The following EPX variants were observed in gnomAD, a reference collection of about 807,000 sequenced individuals.
EPX encodes eosinophil peroxidase.
A neutral mutation model predicts 73.0 loss-of-function variants in EPX; 60 were observed. The observed-to-expected ratio is 0.82, with a 90% CI of 0.67 to 1.02. The LOEUF is 1.02. EPX is among the 50% of genes least tolerant of loss of function. The pLI is 0.00. For synonymous variants in EPX, 347 were observed against 389.2 expected (o/e 0.89, Z 1.28); for missense variants, 950 against 973.9 (o/e 0.98, Z 0.33).
intron 10 of EPX, among the ~76,000 whole-genome samples, chr17:58,201,330 A>T (rs909104744): frequency 6.6e-6 from 1 of 152,178 alleles, no homozygotes; most frequent in Admixed American, 6.5e-5. Context: ...GCAGCTAAGG[A>T]GCTGTGGGCA....
chr17:58,192,850 C>G lies in EPX; in HGVS notation c.4C>G (p.His2Asp), dbSNP rs779210475. The G allele has an allele frequency of 1.2e-6, 2 of 1,613,852 alleles. No individual in the cohort carries two copies. The highest frequency in any genetic ancestry group is 2.2e-5 in the South Asian group (2 of 91,034). MHLLPALAGVLA... is the reference protein window; with the variant it reads MDLLPALAGVLA... ...CTGGTGAAGCCTCGCTGCAGAGATG[C>G]ATCTGCTCCCAGCCCTGGCAGGGGT... is the stretch of plus-strand genomic sequence containing the variant. The change falls in exon 1 of 13, where the codon CAT becomes GAT. Residue 2 changes from histidine to aspartate, a missense_variant. Physicochemically the swap from His to Asp is moderately conservative, Grantham distance 81. Coordinates refer to ENST00000225371, the MANE Select transcript of EPX (RefSeq NM_000502.6).
At position 58,204,339 on chromosome 17, in the gene EPX, C is replaced by T; in HGVS notation, c.2064C>T (p.Ile688=). 1 of 1,613,958 alleles carries T rather than the reference C, an allele frequency of 6.2e-7. No homozygotes were observed. The highest frequency in any genetic ancestry group is 8.5e-7 in the Non-Finnish European group (1 of 1,179,808). The change falls in exon 12 of 13, where the codon ATC becomes ATT. Residue 688 remains isoleucine, a synonymous_variant. Coordinates refer to ENST00000225371, the MANE Select transcript of EPX (RefSeq NM_000502.6). Reference sequence around the variant, plus strand: ...GTATCACCACGGTTTCAAGGGACATCTTCAGAGCCAACATCTACCCTCGGG... The same window carrying T: ...GTATCACCACGGTTTCAAGGGACATTTTCAGAGCCAACATCTACCCTCGGG... ...NTGITTVSRD[I]FRANIYPRGF...
At chr17:58,202,968 G>A (rs1162114624) in intron 10 of EPX, 113 bp from the exon 11 acceptor site, 1 of 787,216 alleles carries the variant, frequency 1.3e-6, no homozygotes, top group East Asian at 2.5e-5. Flanking sequence ...AGGATCTTCT[G>A]GTTCTGCCCA....
chr17:58,199,862 A>G, intron 9 of EPX, 68 bp downstream of exon 9: 1 of 1,543,116 alleles, frequency 6.5e-7, no homozygotes, highest in South Asian at 1.2e-5. Flanking sequence ...AGGTGGGCCA[A>G]GCTTACTGCC....
chr17:58,198,520 A>T (rs1392855730), intron 7 of EPX, among the ~76,000 whole-genome samples: 1 of 152,182 alleles, frequency 6.6e-6, no homozygotes, highest in Non-Finnish European at 1.5e-5. Flanking sequence ...CCCTGCCTGT[A>T]GTAGGTCTGT....
intron 10 of EPX, chr17:58,202,251 C>A (rs1968352198): frequency 6.6e-6 from 1 of 152,226 alleles, no homozygotes; most frequent in Admixed American, 6.5e-5. Context: ...GGGCTGGTGT[C>A]CCTTCGGGAC....
intron 6 of EPX, among the ~76,000 whole-genome samples, chr17:58,195,854 G>T (rs1289607856): frequency 6.6e-6 from 1 of 152,044 alleles, no homozygotes; most frequent in East Asian, 1.9e-4. Context: ...TCAATCCCTG[G>T]CTTAGGGGCA....
intron 10 of EPX, among the ~76,000 whole-genome samples, chr17:58,201,420 C>G (rs1324112378): frequency 1.3e-5 from 2 of 152,050 alleles, no homozygotes; most frequent in African/African-American, 4.8e-5. Context: ...TAAGGAAAGA[C>G]ACAAAGAGAG....
chr17:58,195,354 T>C (rs982431499), intron 6 of EPX, among the ~76,000 whole-genome samples, 184 bp downstream of exon 6: 2 of 151,772 alleles, frequency 1.3e-5, no homozygotes, highest in Non-Finnish European at 2.9e-5. Flanking sequence ...GTTTGAGAGG[T>C]GGGGGTAGGG....
chr17:58,197,013 C>G lies in EPX; in HGVS notation c.876C>G (p.Pro292=). The G allele has an allele frequency of 6.2e-7, 1 of 1,614,154 alleles. No individual in the cohort carries two copies. The highest frequency in any genetic ancestry group is 1.1e-5 in the South Asian group (1 of 91,070). Reference sequence around the variant, plus strand: ...TCTTCCGCTCGGCACCCTCATGCCCCCAAAACAAGAACAGAGTCCGCAACC... The same window carrying G: ...TCTTCCGCTCGGCACCCTCATGCCCGCAAAACAAGAACAGAGTCCGCAACC... The part of the protein sequence containing the change: ...IPFFRSAPSC[P]QNKNRVRNQI... The change falls in exon 7 of 13, where the codon CCC becomes CCG. Residue 292 remains proline, a synonymous_variant. Coordinates refer to ENST00000225371, the MANE Select transcript of EPX (RefSeq NM_000502.6).
At chr17:58,196,900 T>C in intron 6 of EPX, 39 bp from the exon 7 acceptor site, 1 of 1,529,922 alleles carries the variant, frequency 6.5e-7, no homozygotes, top group Non-Finnish European at 9.0e-7. Flanking sequence ...AGTCTGCTAT[T>C]GAGGGGGCCC....
At position 58,200,274 on chromosome 17, in the gene EPX, G is replaced by A. The variant is rs749942729; in HGVS notation, c.1587G>A (p.Leu529=). 2.4e-5 allele frequency: 38 copies of A among 1,614,090 alleles called. 1 individual carries two copies. In the Admixed American group the frequency reaches 6.3e-4, roughly 27 times the overall value. The change falls in exon 10 of 13, where the codon CTG becomes CTA. Residue 529 remains leucine (L), a synonymous_variant. Coordinates refer to ENST00000225371, the MANE Select transcript of EPX (RefSeq NM_000502.6). Reference sequence around the variant, plus strand: ...GCCTCATGGCCACCCCTGCCAAGCTGAACCGTCAGGATGCCATGTTAGTGG... The same window carrying A: ...GCCTCATGGCCACCCCTGCCAAGCTAAACCGTCAGGATGCCATGTTAGTGG... ...LRGLMATPAK[L]NRQDAMLVDE...
Position 58,198,840 on chromosome 17 carries a change from C to T in EPX, c.1121-200C>T, listed in dbSNP as rs112970166. Among the ~76,000 whole-genome samples, 123 of 152,300 alleles carry T rather than the reference C, an allele frequency of 8.1e-4. 1 individual carries two copies. The highest frequency in any genetic ancestry group is 2.7e-3 in the African/African-American group (113 of 41,572). ...CTCACCCAAGCCTGCTAGGAACCCC[C>T]GGTCCTTCCGCTCCTGGCCTGTGGT... is the stretch of plus-strand genomic sequence containing the variant. On this transcript the variant is annotated intron_variant, in intron 7 of 12. Transcript: ENST00000225371.
chr17:58,198,778 C>A (rs993121994), intron 7 of EPX, among the ~76,000 whole-genome samples: 1 of 152,188 alleles, frequency 6.6e-6, no homozygotes, highest in African/African-American at 2.4e-5. Flanking sequence ...CAAAGATGCC[C>A]CTGCCTGAGA....
At position 58,199,731 on chromosome 17, in the gene EPX, G is replaced by A. The variant is rs138562045; in HGVS notation, c.1474G>A (p.Ala492Thr). 3.0e-5 allele frequency: 49 copies of A among 1,613,624 alleles called. No homozygotes were observed. The highest frequency in any genetic ancestry group is 1.1e-4 in the South Asian group (10 of 91,078). The change falls in exon 9 of 13, where the codon GCA becomes ACA. Residue 492 changes from alanine (A) to threonine (T), a missense_variant. By Grantham distance (58) the Ala-to-Thr change is moderately conservative (BLOSUM62 0). Coordinates refer to ENST00000225371, the MANE Select transcript of EPX (RefSeq NM_000502.6). ...FRLDSQYRAS[A>T]PNSHVPLSSA... Reference sequence around the variant, plus strand: ...CTTGGACAGTCAGTACCGGGCCTCCGCACCCAACTCGCATGTCCCACTTAG... The same window carrying A: ...CTTGGACAGTCAGTACCGGGCCTCCACACCCAACTCGCATGTCCCACTTAG...
chr17:58,202,094 A>C lies in EPX; in HGVS notation c.1709-987A>C, dbSNP rs34570969. The stretch of plus-strand genomic sequence containing the variant: ...TTTAGTAAACATACCAGATATAGTT[A>C]GCATGCCATAAAAGCACCTCAAAAA... On this transcript the variant is annotated intron_variant, in intron 10 of 12. Transcript: ENST00000225371. 1.5e-3 allele frequency among the ~76,000 whole-genome samples: 233 copies of C among 152,350 alleles called. 2 individuals carry two copies. The highest frequency in any genetic ancestry group is 5.3e-3 in the African/African-American group (221 of 41,586).
intron 5 of EPX, among the ~76,000 whole-genome samples, chr17:58,194,615 T>G (rs957483588): frequency 6.6e-6 from 1 of 152,236 alleles, no homozygotes; most frequent in Non-Finnish European, 1.5e-5. Context: ...AACCAGCCCA[T>G]GCACCTGTGA....
chr17:58,193,759 G>A lies in EPX; in HGVS notation c.392G>A (p.Gly131Asp). Residue 131 changes from glycine to aspartate, a missense_variant, in exon 4 of 13, where the codon GGC becomes GAC. Coordinates refer to ENST00000225371, the MANE Select transcript of EPX (RefSeq NM_000502.6). ...CTGCGGCTGCTGTCCCAGGCCAGTG[G>A]CTGTGCTCTCCGGGACCAGGCCGAG... ...PQLRLLSQAS[G>D]CALRDQAERC... The A allele has an allele frequency of 6.2e-7, 1 of 1,612,704 alleles. No homozygotes were observed. The highest frequency in any genetic ancestry group is 1.1e-5 in the South Asian group (1 of 90,990).
chr17:58,200,473 C>G (rs1203026987), intron 10 of EPX, 78 bp downstream of exon 10: 1 of 1,426,354 alleles, frequency 7.0e-7, no homozygotes, highest in East Asian at 2.3e-5. Flanking sequence ...ACCCTGGTAC[C>G]TCCTTTCTGA....
Sources: gnomAD v4.1 joint callset for allele counts (sites outside exome capture counted in the v4.1 genomes callset) on GRCh38, gnomAD v4.1.1 for gene constraint, MANE v1.5 for transcripts, NCBI Gene and HGNC (gene_info 2026-07-23, HGNC 2026-07-21) for gene names.